SLC9A6: variants seen among roughly 807,000 people sequenced by gnomAD.
The protein encoded by SLC9A6 is solute carrier family 9 member A6.
SLC9A6 carries 6 observed loss-of-function variants against 45.3 expected under a neutral mutation model. That is an observed-to-expected ratio of 0.13 (90% CI 0.07 to 0.26). The LOEUF (loss-of-function observed/expected upper bound fraction) is 0.26. SLC9A6 is among the 10% of genes least tolerant of loss of function. The probability of loss-of-function intolerance (pLI) is 1.00; values close to 1 mark genes in which losing one functional copy is unlikely to be tolerated. For missense variants in SLC9A6, 278 were observed against 503.7 expected (o/e 0.55, Z 4.29); for synonymous variants, 191 against 187.7 (o/e 1.02, Z -0.14).
At chrX:135,998,281 T>C in intron 4 of SLC9A6, 96 bp downstream of exon 4, 1 of 616,301 alleles carries the variant, frequency 1.6e-6, no homozygotes, top group Non-Finnish European at 2.7e-6. Context: ...CTTTCCAGAT[T>C]ACCCTCCTTT....
At chrX:135,999,111 A>G (rs1556617044) in intron 6 of SLC9A6, 143 bp downstream of exon 6, 2 of 479,495 alleles carry the variant, frequency 4.2e-6, no homozygotes, top group Non-Finnish European at 7.3e-6. Context: ...GGAGGAAAAA[A>G]CAAAATTCAT....
At chrX:135,980,184 A>G (rs1169029656), upstream of SLC9A6, among the ~76,000 whole-genome samples, 1 of 103,871 alleles carries the variant, frequency 9.6e-6, no homozygotes, top group Non-Finnish European at 2.0e-5. Flanking sequence ...TATGACTTCA[A>G]CCTAGTTTTT....
intron 3 of SLC9A6, among the ~76,000 whole-genome samples, chrX:135,996,754 TG>T (rs1556616552): frequency 9.0e-6 from 1 of 110,915 alleles, no homozygotes. Flanking sequence ...TTGTTGTTTT[TG>T]TTTTTTTTTG....
intron 7 of SLC9A6, among the ~76,000 whole-genome samples, chrX:136,002,888 C>T (rs1414358122): frequency 3.6e-5 from 4 of 110,489 alleles, no homozygotes; most frequent in Non-Finnish European, 5.7e-5. Flanking sequence ...AATATATTCA[C>T]GTGGCTCATA....
chrX:136,001,378 T>A (rs1368560140), intron 6 of SLC9A6, among the ~76,000 whole-genome samples: 2 of 107,458 alleles, frequency 1.9e-5, no homozygotes, highest in Non-Finnish European at 3.9e-5. Context: ...TCACCTCTCG[T>A]TATATTAATT....
intron 17 of SLC9A6, among the ~76,000 whole-genome samples, chrX:136,043,990 A>C (rs2071556165): frequency 8.9e-6 from 1 of 111,916 alleles, no homozygotes; most frequent in African/African-American, 3.3e-5. Flanking sequence ...AGATTGATAC[A>C]CACACAGTTA....
At chrX:135,977,497 T>C (rs1003091742) in intron 1 of SLC9A6, among the ~76,000 whole-genome samples, 19 of 112,148 alleles carry the variant, frequency 1.7e-4, no homozygotes, top group African/African-American at 6.2e-4. Context: ...TCTGGCACAC[T>C]GTTCTTTCCC....
chrX:135,992,299 G>A (rs1408727359), intron 2 of SLC9A6, among the ~76,000 whole-genome samples: 1 of 111,456 alleles, frequency 9.0e-6, no homozygotes, highest in Admixed American at 9.6e-5. Context: ...CTCGCCTCCT[G>A]TCAGTACTCT....
chrX:136,016,734 C>T lies in SLC9A6; in HGVS notation c.1170C>T (p.Asn390=), dbSNP rs781953296. 10 of 1,151,623 alleles carry T rather than the reference C, an allele frequency of 8.7e-6. No individual in the cohort carries two copies. The Admixed American group carries it at 1.8e-4, about 20-fold the overall frequency. The allele number at this position is 1,151,623 out of a possible 1,213,427, so 94.9% of individuals were successfully genotyped here. A position where few individuals can be genotyped will look rare whatever the true frequency, so the allele number is the denominator to read the frequency against. The change falls in exon 11 of 18, where the codon AAC becomes AAT. Residue 390 remains asparagine (N), a synonymous_variant. Transcript: ENST00000630721. The part of the protein sequence containing the change: ...TLFTFQNHVF[N]PTFVVGAFVA... ...TCACCTTCCAGAACCATGTCTTTAA[C>T]CCAACATTTGTAGTAGGAGCATTTG...
intron 8 of SLC9A6, 65 bp downstream of exon 8, chrX:136,010,648 T>G (rs2070903271): frequency 9.9e-7 from 1 of 1,008,754 alleles, no homozygotes; most frequent in Admixed American, 2.2e-5. Context: ...CTGTATTCCG[T>G]TGTTTTTCCT....
intron 6 of SLC9A6, among the ~76,000 whole-genome samples, chrX:136,001,839 A>G (rs2089588295): frequency 8.9e-6 from 1 of 112,356 alleles, no homozygotes; most frequent in Admixed American, 9.5e-5. Flanking sequence ...GATTATTAAC[A>G]TCTGCGTGAA....
intron 7 of SLC9A6, chrX:136,010,099 G>C (rs1485769741): frequency 8.6e-6 from 2 of 232,249 alleles, no homozygotes; most frequent in Admixed American, 6.4e-5. Context: ...AGTATGTTAA[G>C]GCTTTCGGAC....
intron 1 of SLC9A6, among the ~76,000 whole-genome samples, chrX:135,977,299 C>T (rs2089267254): frequency 8.9e-6 from 1 of 112,183 alleles, no homozygotes; most frequent in Admixed American, 9.5e-5. Flanking sequence ...GTCTCTAAAG[C>T]GTTTCCTACT....
chrX:135,995,127 G>A, intron 3 of SLC9A6, 142 bp downstream of exon 3: 2 of 460,595 alleles, frequency 4.3e-6, no homozygotes, highest in Non-Finnish European at 7.6e-6. Flanking sequence ...ATTAACAAAT[G>A]TAATAATGTA....
intron 14 of SLC9A6, chrX:136,029,860 C>G (rs2071288486): frequency 2.6e-6 from 1 of 378,354 alleles, no homozygotes; most frequent in Non-Finnish European, 4.7e-6. Context: ...GACCTATATT[C>G]AGAGAAAAAA....
intron 3 of SLC9A6, among the ~76,000 whole-genome samples, chrX:135,996,872 T>G (rs2148147190): frequency 9.2e-6 from 1 of 108,962 alleles, no homozygotes; most frequent in Non-Finnish European, 1.9e-5. Context: ...GTTCACGCCG[T>G]TCTCCTGCCT....
chrX:136,026,227 A>G (rs781965105), intron 13 of SLC9A6, among the ~76,000 whole-genome samples: 14 of 111,867 alleles, frequency 1.3e-4, no homozygotes, highest in Non-Finnish European at 2.4e-4. Context: ...TGTCTAGTAC[A>G]ATTTTAAGGG....
chrX:136,043,089 A>C (rs1262351914), intron 17 of SLC9A6, among the ~76,000 whole-genome samples: 1 of 112,215 alleles, frequency 8.9e-6, no homozygotes, highest in African/African-American at 3.2e-5. Flanking sequence ...GAAGGTGCTG[A>C]AGAGCCCCTG....
intron 1 of SLC9A6, chrX:135,975,066 C>T (rs2089253997): frequency 7.6e-6 from 1 of 131,727 alleles, no homozygotes; most frequent in Admixed American, 8.4e-5. Flanking sequence ...TCATTCCCAC[C>T]GCTTCAGCCA....
Sources: allele counts gnomAD v4.1 joint callset (sites outside exome capture counted in the v4.1 genomes callset), GRCh38; gene constraint gnomAD v4.1.1; transcripts MANE v1.5; gene names NCBI Gene and HGNC (gene_info 2026-07-23, HGNC 2026-07-21).